The following MFHAS1 variants were observed in gnomAD, a reference collection of about 807,000 sequenced individuals.
MFHAS1 encodes malignant fibrous histiocytoma-amplified sequence 1.
Under a neutral mutation model 70.4 loss-of-function variants are expected in MFHAS1, and 50 were observed. That is an observed-to-expected ratio of 0.71 (90% CI 0.57 to 0.90). The LOEUF (loss-of-function observed/expected upper bound fraction) is 0.90. Ranked by LOEUF, MFHAS1 falls within the 40% of genes least tolerant of loss-of-function variation. The probability of loss-of-function intolerance (pLI) is 0.00; values close to 1 mark genes in which losing one functional copy is unlikely to be tolerated. For missense variants in MFHAS1, 1,795 were observed against 1,347.6 expected (o/e 1.33, Z -5.20); for synonymous variants, 952 against 620.0 (o/e 1.54, Z -7.96).
chr8:8,844,911 A>G (rs1341833993), intron 1 of MFHAS1, among the ~76,000 whole-genome samples: 1 of 152,172 alleles, frequency 6.6e-6, no homozygotes, highest in Non-Finnish European at 1.5e-5. Flanking sequence ...TTTCAAGAAG[A>G]AGGCCCAAAA....
chr8:8,812,308 T>A (rs1160661201), intron 1 of MFHAS1, among the ~76,000 whole-genome samples: 1 of 152,122 alleles, frequency 6.6e-6, no homozygotes, highest in African/African-American at 2.4e-5. Context: ...CGGCGTAAGA[T>A]CTTAGCATCC....
intron 1 of MFHAS1, among the ~76,000 whole-genome samples, chr8:8,857,170 T>A (rs78909395): frequency 6.6e-6 from 1 of 152,196 alleles, no homozygotes; most frequent in East Asian, 1.9e-4. Context: ...AAGAAGCCTA[T>A]CAATTCAAAG....
At chr8:8,848,622 T>A (rs1156243575) in intron 1 of MFHAS1, among the ~76,000 whole-genome samples, 1 of 68,860 alleles carries the variant, frequency 1.5e-5, no homozygotes, top group Admixed American at 2.4e-4. Flanking sequence ...AGTTATTAAT[T>A]TTTTTTAAAC....
At chr8:8,855,156 T>G (rs1420860617) in intron 1 of MFHAS1, among the ~76,000 whole-genome samples, 1 of 152,180 alleles carries the variant, frequency 6.6e-6, no homozygotes, top group Non-Finnish European at 1.5e-5. Flanking sequence ...TCTCGCCATG[T>G]CGCCCAGGCT....
At chr8:8,847,998 T>C (rs370196130) in intron 1 of MFHAS1, among the ~76,000 whole-genome samples, 5 of 152,236 alleles carry the variant, frequency 3.3e-5, no homozygotes, top group South Asian at 2.1e-4. Flanking sequence ...TCCTTCCCTG[T>C]TAGGGGATAT....
At chr8:8,795,588 T>C (rs1284920853) in intron 2 of MFHAS1, among the ~76,000 whole-genome samples, 1 of 152,222 alleles carries the variant, frequency 6.6e-6, no homozygotes, top group Non-Finnish European at 1.5e-5. Context: ...AAGGATAGAT[T>C]AGGGATGTTC....
intron 1 of MFHAS1, among the ~76,000 whole-genome samples, chr8:8,846,179 G>T (rs1016464130): frequency 6.7e-6 from 1 of 150,074 alleles, no homozygotes; most frequent in African/African-American, 2.5e-5. Flanking sequence ...CTCGAACCTG[G>T]GAGGTGGAGG....
intron 1 of MFHAS1, among the ~76,000 whole-genome samples, chr8:8,829,126 C>CAA (rs1431754936): frequency 6.6e-6 from 1 of 152,180 alleles, no homozygotes; most frequent in Non-Finnish European, 1.5e-5. Flanking sequence ...ATAAGGAAAT[C>CAA]AAACTTTTCA....
intron 1 of MFHAS1, among the ~76,000 whole-genome samples, chr8:8,862,644 G>A (rs914231304): frequency 7.2e-5 from 11 of 152,124 alleles, no homozygotes; most frequent in African/African-American, 2.4e-4. Flanking sequence ...ATACTATAAC[G>A]GTGGATACAT....
chr8:8,796,694 A>C (rs1178444521), intron 2 of MFHAS1, among the ~76,000 whole-genome samples: 2 of 106,712 alleles, frequency 1.9e-5, no homozygotes, highest in African/African-American at 6.0e-5. Context: ...AAAACAAAAA[A>C]AAAAAAAAAG....
At chr8:8,830,538 A>G (rs1807347087) in intron 1 of MFHAS1, among the ~76,000 whole-genome samples, 1 of 152,190 alleles carries the variant, frequency 6.6e-6, no homozygotes, top group African/African-American at 2.4e-5. Flanking sequence ...CCAATTTTCT[A>G]ATTTTACAGG....
chr8:8,858,986 T>G (rs1277263879), intron 1 of MFHAS1, among the ~76,000 whole-genome samples: 1 of 152,236 alleles, frequency 6.6e-6, no homozygotes, highest in Non-Finnish European at 1.5e-5. Context: ...ATGTTACTTC[T>G]TACATATGCA....
intron 1 of MFHAS1, among the ~76,000 whole-genome samples, chr8:8,799,653 G>C (rs1421122757): frequency 6.6e-6 from 1 of 152,188 alleles, no homozygotes; most frequent in Non-Finnish European, 1.5e-5. Flanking sequence ...GTATTCGGGA[G>C]GCTGAGGCAT....
chr8:8,845,556 G>A (rs1808001547), intron 1 of MFHAS1, among the ~76,000 whole-genome samples: 1 of 152,106 alleles, frequency 6.6e-6, no homozygotes, highest in African/African-American at 2.4e-5. Context: ...CCCTCCTGCT[G>A]GGGGGCCCAT....
chr8:8,850,388 T>G (rs573972404), intron 1 of MFHAS1, among the ~76,000 whole-genome samples: 68 of 152,334 alleles, frequency 4.5e-4, no homozygotes, highest in African/African-American at 1.3e-3. Flanking sequence ...ATTAGAGAGA[T>G]AGACTGTGGT....
At chr8:8,848,318 C>T (rs576323143) in intron 1 of MFHAS1, among the ~76,000 whole-genome samples, 37 of 152,050 alleles carry the variant, frequency 2.4e-4, no homozygotes, top group Non-Finnish European at 4.4e-4. Flanking sequence ...ATTTACACAC[C>T]GCTGAACCCG....
At chr8:8,844,488 G>C (rs115079434) in intron 1 of MFHAS1, among the ~76,000 whole-genome samples, 1 of 152,296 alleles carries the variant, frequency 6.6e-6, no homozygotes, top group African/African-American at 2.4e-5. Context: ...TTTAAAGTTA[G>C]CATGACTCTT....
intron 2 of MFHAS1, among the ~76,000 whole-genome samples, chr8:8,794,345 C>A (rs527785132): frequency 4.6e-5 from 7 of 152,188 alleles, no homozygotes; most frequent in African/African-American, 7.2e-5. Context: ...GACTTAAGCA[C>A]AGATTCTTTG....
At chr8:8,848,223 C>A (rs1482223189) in intron 1 of MFHAS1, among the ~76,000 whole-genome samples, 1 of 152,192 alleles carries the variant, frequency 6.6e-6, no homozygotes, top group Non-Finnish European at 1.5e-5. Context: ...CATCTGCATC[C>A]TGCTGTTCTC....
Sources: allele counts gnomAD v4.1 joint callset (sites outside exome capture counted in the v4.1 genomes callset), GRCh38; gene constraint gnomAD v4.1.1; transcripts MANE v1.5; gene names NCBI Gene and HGNC (gene_info 2026-07-23, HGNC 2026-07-21).